The following DDR2 variants were observed in gnomAD, a reference collection of about 807,000 sequenced individuals.
DDR2 encodes discoidin domain-containing receptor 2.
A neutral mutation model predicts 94.9 loss-of-function variants in DDR2; 27 were observed. The observed-to-expected ratio is 0.28, with a 90% CI of 0.21 to 0.39. The LOEUF is 0.39. Among genes scored for constraint, DDR2 ranks in the 10% least tolerant of loss-of-function variants. The pLI is 1.00. For missense variants in DDR2, 783 were observed against 1,076.0 expected (o/e 0.73, Z 3.81); for synonymous variants, 382 against 377.2 (o/e 1.01, Z -0.15).
intron 3 of DDR2, among the ~76,000 whole-genome samples, chr1:162,748,651 G>T (rs185707462): frequency 1.3e-5 from 2 of 152,118 alleles, no homozygotes; most frequent in Non-Finnish European, 2.9e-5. Context: ...TGCACCAAGT[G>T]GACCTAATAG....
At chr1:162,774,163 A>G (rs1402656006) in intron 14 of DDR2, among the ~76,000 whole-genome samples, 1 of 152,212 alleles carries the variant, frequency 6.6e-6, no homozygotes, top group Non-Finnish European at 1.5e-5. Context: ...CAAACTGGCT[A>G]ATAATCTCTT....
chr1:162,787,304 A>G lies in DDR2; in HGVS notation c.*7058A>G, dbSNP rs1648187826. Reference sequence around the variant, plus strand: ...TTAAAAAAAACACACCTATCCATTCACTCATCAATAAAAACATATTATGAT... The same window carrying G: ...TTAAAAAAAACACACCTATCCATTCGCTCATCAATAAAAACATATTATGAT... On this transcript the variant is annotated 3_prime_UTR_variant, in exon 18 of 18. Coordinates refer to ENST00000367921, the MANE Select transcript of DDR2 (RefSeq NM_006182.4). 6.6e-6 allele frequency: 1 copy of G among 151,274 alleles called. No individual in the cohort carries two copies. Among genetic ancestry groups the G allele is most frequent in the Admixed American group, 6.6e-5 (1 of 15,158 alleles). 9.4% of individuals were successfully genotyped at this position (151,274 alleles called of 1,614,324 possible). A position where few individuals can be genotyped will look rare whatever the true frequency, so the allele number is the denominator to read the frequency against.
chr1:162,785,921 C>T lies in DDR2; in HGVS notation c.*5675C>T, dbSNP rs1648130214. 1 of 152,226 alleles carries T rather than the reference C, an allele frequency of 6.6e-6. No individual in the cohort carries two copies. The highest frequency in any genetic ancestry group is 1.5e-5 in the Non-Finnish European group (1 of 68,048). The allele number at this position is 152,226 out of a possible 1,614,324, so 9.4% of individuals were successfully genotyped here. ...CCGAATCAAAAGGAGAGACCAGACT[C>T]TGGCCTCATACCCAGCCTATTTGAA... On this transcript the variant is annotated 3_prime_UTR_variant, in exon 18 of 18. Transcript: ENST00000367921.
intron 2 of DDR2, among the ~76,000 whole-genome samples, chr1:162,671,379 C>G (rs1456752148): frequency 6.6e-6 from 1 of 152,170 alleles, no homozygotes; most frequent in Non-Finnish European, 1.5e-5. Context: ...CCTTTTGGAG[C>G]TGACTGTTGA....
At chr1:162,724,119 C>A (rs1661543184) in intron 3 of DDR2, among the ~76,000 whole-genome samples, 1 of 152,118 alleles carries the variant, frequency 6.6e-6, no homozygotes, top group African/African-American at 2.4e-5. Context: ...GATGAGGAAA[C>A]TGGGAGTCAA....
At chr1:162,703,722 A>G (rs1326311498) in intron 2 of DDR2, among the ~76,000 whole-genome samples, 1 of 152,146 alleles carries the variant, frequency 6.6e-6, no homozygotes, top group Non-Finnish European at 1.5e-5. Context: ...ACCTCACAAA[A>G]GGAGGTGCTG....
intron 1 of DDR2, among the ~76,000 whole-genome samples, chr1:162,654,917 A>G (rs1657882685): frequency 6.6e-6 from 1 of 152,216 alleles, no homozygotes; most frequent in African/African-American, 2.4e-5. Flanking sequence ...TTTTATAACA[A>G]TTTTGAAGAT....
At chr1:162,654,318 T>C (rs1331832670) in intron 1 of DDR2, among the ~76,000 whole-genome samples, 1 of 151,966 alleles carries the variant, frequency 6.6e-6, no homozygotes, top group Non-Finnish European at 1.5e-5. Flanking sequence ...TGGTGGTGTG[T>C]GCCTGTAGTC....
rs771560387 is a variant in DDR2, at chr1:162,776,257, A to G, written c.2170A>G (p.Ile724Val). 1.5e-5 allele frequency: 24 copies of G among 1,613,972 alleles called. No homozygotes were observed. Among genetic ancestry groups the G allele is most frequent in the Non-Finnish European group, 2.0e-5 (24 of 1,179,944 alleles). Reference protein sequence around the residue: ...RNCLVGKNYTIKIADFGMSRN... With the variant: ...RNCLVGKNYTVKIADFGMSRN... The stretch of plus-strand genomic sequence containing the variant: ...CTGTTTAGTGGGTAAGAACTACACA[A>G]TCAAGATAGCTGACTTTGGAATGAG... Residue 724 changes from isoleucine (I) to valine (V), a missense_variant, in exon 16 of 18, where the codon ATC (isoleucine) becomes GTC (valine). Ile to Val is a conservative substitution (Grantham distance 29). This residue lies in a region of DDR2 where 264 missense variants were observed against 428.2 expected (regional missense o/e 0.62). Transcript: ENST00000367921.
chr1:162,766,587 T>C (rs16844730), intron 10 of DDR2, among the ~76,000 whole-genome samples: 4,298 of 152,232 alleles, frequency 0.028, 107 homozygotes, highest in East Asian at 0.13. Flanking sequence ...CACCTGTTTT[T>C]CATGAGGTGT....
At chr1:162,727,008 T>C (rs776676671) in intron 3 of DDR2, among the ~76,000 whole-genome samples, 5 of 148,496 alleles carry the variant, frequency 3.4e-5, no homozygotes, top group African/African-American at 4.9e-5. Context: ...AGGAAAAGGA[T>C]ATGAAACAAA....
Position 162,770,409 on chromosome 1 carries a change from C to T in DDR2, c.1401C>T (p.Ser467=). The T allele has an allele frequency of 6.2e-7, 1 of 1,614,102 alleles. No individual in the cohort carries two copies. The highest frequency in any genetic ancestry group is 2.2e-5 in the East Asian group (1 of 44,876). Residue 467 remains serine (S), a synonymous_variant, in exon 12 of 18, where the codon TCC becomes TCT. Coordinates refer to ENST00000367921, the MANE Select transcript of DDR2 (RefSeq NM_006182.4). Reference sequence around the variant, plus strand: ...CCTCATCACCTAGTGAACAAGGGTCCAACTCGACTTACGATCGCATCTTTC... The same window carrying T: ...CCTCATCACCTAGTGAACAAGGGTCTAACTCGACTTACGATCGCATCTTTC... ...NRSSSPSEQG[S]NSTYDRIFPL...
intron 11 of DDR2, among the ~76,000 whole-genome samples, chr1:162,767,807 G>GGTGTGTGTGTTTGTGT (rs34949546): frequency 0.12 from 17,331 of 149,406 alleles, 1,083 homozygotes; most frequent in Middle Eastern, 0.14. Context: ...TTGTCTGTTT[G>GGTGTGTGTGTTTGTGT]GTGTGTGTGT....
chr1:162,636,593 A>G (rs1001249862), intron 1 of DDR2, among the ~76,000 whole-genome samples: 2 of 152,192 alleles, frequency 1.3e-5, no homozygotes, highest in Non-Finnish European at 2.9e-5. Context: ...AAGAACATGT[A>G]GTGAGGCTCT....
intron 2 of DDR2, among the ~76,000 whole-genome samples, chr1:162,663,839 CACACA>C (rs1356692521): frequency 1.3e-5 from 2 of 152,174 alleles, no homozygotes; most frequent in Non-Finnish European, 2.9e-5. Context: ...TAATGAGAAA[CACACA>C]GGCCGTGAAA....
intron 2 of DDR2, among the ~76,000 whole-genome samples, chr1:162,686,774 T>G (rs1659709971): frequency 6.6e-6 from 1 of 152,320 alleles, no homozygotes; most frequent in African/African-American, 2.4e-5. Context: ...AATGGGGTTT[T>G]GCCATATTGG....
At chr1:162,726,895 T>C (rs1661696635) in intron 3 of DDR2, among the ~76,000 whole-genome samples, 1 of 151,500 alleles carries the variant, frequency 6.6e-6, no homozygotes, top group Non-Finnish European at 1.5e-5. Flanking sequence ...TGTTTTGTTC[T>C]GAAAGCTGAC....
chr1:162,710,890 G>A (rs530635384), intron 2 of DDR2, among the ~76,000 whole-genome samples: 12 of 152,200 alleles, frequency 7.9e-5, no homozygotes, highest in African/African-American at 2.9e-4. Flanking sequence ...CAGGGGAGGT[G>A]CATTTGAGCT....
chr1:162,699,005 G>T (rs892060348), intron 2 of DDR2, among the ~76,000 whole-genome samples: 2 of 152,212 alleles, frequency 1.3e-5, no homozygotes, highest in Non-Finnish European at 2.9e-5. Flanking sequence ...AATTGGGATT[G>T]TCTATACTAT....
Sources: allele counts gnomAD v4.1 joint callset (sites outside exome capture counted in the v4.1 genomes callset), GRCh38; gene constraint gnomAD v4.1.1; regional missense constraint gnomAD v4.1.1; transcripts MANE v1.5; gene names NCBI Gene and HGNC (gene_info 2026-07-23, HGNC 2026-07-21).